ATP8A1: variants seen among roughly 807,000 people sequenced by gnomAD.
ATP8A1 encodes ATPase phospholipid transporting 8A1, also known as phospholipid-transporting ATPase IA.
Under a neutral mutation model 177.7 loss-of-function variants are expected in ATP8A1, and 90 were observed. The ratio of observed to expected loss-of-function variants is 0.51; its 90% CI spans 0.43 to 0.60. The LOEUF (loss-of-function observed/expected upper bound fraction) is 0.60, where lower values mean the gene tolerates loss of function less well. Among genes scored for constraint, ATP8A1 ranks in the 20% least tolerant of loss-of-function variants. The pLI, the probability that ATP8A1 is intolerant of heterozygous loss-of-function variation, is 0.00. For synonymous variants in ATP8A1, 493 were observed against 485.9 expected (o/e 1.01, Z -0.19); for missense variants, 1,072 against 1,392.8 (o/e 0.77, Z 3.67).
intron 5 of ATP8A1, among the ~76,000 whole-genome samples, chr4:42,604,297 G>A (rs1340473309): frequency 6.6e-6 from 1 of 152,110 alleles, no homozygotes; most frequent in Non-Finnish European, 1.5e-5. Context: ...CAGCATCACA[G>A]TTTTACTGTA....
intron 29 of ATP8A1, 86 bp from the exon 30 acceptor site, chr4:42,452,145 T>A: frequency 1.1e-6 from 1 of 923,210 alleles, no homozygotes; most frequent in Admixed American, 2.1e-5. Flanking sequence ...ATGAGCTAGA[T>A]TCACAAAATG....
At chr4:42,602,698 G>A (rs1471475432) in intron 5 of ATP8A1, among the ~76,000 whole-genome samples, 2 of 152,178 alleles carry the variant, frequency 1.3e-5, no homozygotes, top group East Asian at 3.9e-4. Context: ...GACCCCGCGA[G>A]GGGGAGGTTG....
chr4:42,579,278 A>G (rs1732777185), intron 11 of ATP8A1, among the ~76,000 whole-genome samples: 1 of 151,124 alleles, frequency 6.6e-6, no homozygotes. Flanking sequence ...ATGAAAATAC[A>G]TTGGGTTTAA....
intron 25 of ATP8A1, among the ~76,000 whole-genome samples, chr4:42,475,320 G>T (rs537891110): frequency 6.6e-6 from 1 of 152,008 alleles, no homozygotes; most frequent in Admixed American, 6.6e-5. Flanking sequence ...TGGCTAATTT[G>T]TAATTTTTTT....
Position 42,522,315 on chromosome 4 carries a change from T to C in ATP8A1, c.1808-16A>G. On this transcript the variant is annotated splice_polypyrimidine_tract_variant and intron_variant, in intron 21 of 36. Transcript: ENST00000381668. ...GTTCTTAACCCTGAAAAAGATAGCA[T>C]ACATCACCCCAACACACCAAAGATT... The C allele has an allele frequency of 6.2e-7, 1 of 1,611,972 alleles. No homozygotes were observed. The highest frequency in any genetic ancestry group is 8.5e-7 in the Non-Finnish European group (1 of 1,179,516).
In ATP8A1 at chr4:42,464,671, A is replaced by C; in HGVS notation, c.2619+19T>G. On this transcript the variant is annotated intron_variant, in intron 27 of 36. Transcript: ENST00000381668. ...TATGTATGCAAATGACAAGGATTTAAAATTTAACCTGCTATTACCTCGATA... is the reference window on the plus strand; with the variant it reads ...TATGTATGCAAATGACAAGGATTTACAATTTAACCTGCTATTACCTCGATA... 1.4e-6 allele frequency: 2 copies of C among 1,423,860 alleles called. No homozygotes were observed. Among genetic ancestry groups the C allele is most frequent in the Non-Finnish European group, 1.9e-6 (2 of 1,041,296 alleles). The allele number at this position is 1,423,860 out of a possible 1,614,324, so 88.2% of individuals were successfully genotyped here.
rs138091597 is a variant in ATP8A1, at chr4:42,428,366, T to C, written c.3124-4661A>G. ...CTGTCTTCCCTCCAAAGGCTGCTCTTCCTTGGTACAAGCTATTCAGGGAAT... is the reference window on the plus strand; with the variant it reads ...CTGTCTTCCCTCCAAAGGCTGCTCTCCCTTGGTACAAGCTATTCAGGGAAT... On this transcript the variant is annotated intron_variant, in intron 33 of 36. Transcript: ENST00000381668. Among the ~76,000 whole-genome samples, 362 of 152,348 alleles carry C rather than the reference T, an allele frequency of 2.4e-3. 1 individual carries two copies. Among genetic ancestry groups the C allele is most frequent in the African/African-American group, 8.1e-3 (335 of 41,586 alleles).
At chr4:42,512,668 T>G (rs1177682732) in intron 22 of ATP8A1, among the ~76,000 whole-genome samples, 1 of 152,216 alleles carries the variant, frequency 6.6e-6, no homozygotes, top group Non-Finnish European at 1.5e-5. Flanking sequence ...AAGTCCCAAG[T>G]AATTAATTAG....
chr4:42,599,362 T>C (rs986364766), intron 6 of ATP8A1, among the ~76,000 whole-genome samples: 1 of 152,202 alleles, frequency 6.6e-6, no homozygotes, highest in Non-Finnish European at 1.5e-5. Flanking sequence ...AAGAAACTTA[T>C]TTTGAAATTG....
intron 20 of ATP8A1, among the ~76,000 whole-genome samples, chr4:42,529,540 C>A (rs1727047762): frequency 6.6e-6 from 1 of 152,174 alleles, no homozygotes; most frequent in Non-Finnish European, 1.5e-5. Context: ...CCTGAAGGCA[C>A]AAGTAAGTTA....
intron 35 of ATP8A1, among the ~76,000 whole-genome samples, chr4:42,415,824 G>A (rs976856763): frequency 3.9e-5 from 6 of 152,088 alleles, no homozygotes; most frequent in African/African-American, 1.2e-4. Context: ...ACAAAAAAAG[G>A]ATCCTCTGCA....
intron 25 of ATP8A1, among the ~76,000 whole-genome samples, chr4:42,478,663 A>G (rs895141583): frequency 6.6e-6 from 1 of 152,178 alleles, no homozygotes; most frequent in African/African-American, 2.4e-5. Context: ...TTTTGCTAGC[A>G]TGTCCTCTAG....
chr4:42,587,904 G>C (rs565842138), intron 8 of ATP8A1, among the ~76,000 whole-genome samples: 1 of 151,962 alleles, frequency 6.6e-6, no homozygotes, highest in Non-Finnish European at 1.5e-5. Flanking sequence ...CACCGCGCCC[G>C]GCCCTTGTAC....
At chr4:42,481,822 A>G (rs548980913) in intron 25 of ATP8A1, among the ~76,000 whole-genome samples, 1 of 152,342 alleles carries the variant, frequency 6.6e-6, no homozygotes, top group Non-Finnish European at 1.5e-5. Flanking sequence ...CTCCAAAAGT[A>G]TCCGTGATCA....
chr4:42,510,589 A>G (rs991311508), intron 22 of ATP8A1, among the ~76,000 whole-genome samples: 2 of 152,246 alleles, frequency 1.3e-5, no homozygotes, highest in African/African-American at 2.4e-5. Context: ...TCCTGCAAAA[A>G]TATTTTTTTG....
chr4:42,457,571 C>T (rs1300311927), intron 27 of ATP8A1, among the ~76,000 whole-genome samples: 2 of 152,182 alleles, frequency 1.3e-5, no homozygotes, highest in Non-Finnish European at 2.9e-5. Flanking sequence ...GTCTAACGGA[C>T]AAGATTTGGC....
intron 25 of ATP8A1, among the ~76,000 whole-genome samples, chr4:42,471,303 T>A (rs1342051768): frequency 1.3e-5 from 2 of 152,188 alleles, no homozygotes; most frequent in African/African-American, 4.8e-5. Flanking sequence ...TGATATACTG[T>A]GCAGTCATAG....
chr4:42,408,413 T>C lies in ATP8A1; in HGVS notation c.*4503A>G, dbSNP rs1577872717. 6.6e-6 allele frequency: 1 copy of C among 152,128 alleles called. No homozygotes were observed. Among genetic ancestry groups the C allele is most frequent in the Admixed American group, 6.5e-5 (1 of 15,276 alleles). 9.4% of individuals were successfully genotyped at this position (152,128 alleles called of 1,614,324 possible). A position where few individuals can be genotyped will look rare whatever the true frequency, so the allele number is the denominator to read the frequency against. On this transcript the variant is annotated 3_prime_UTR_variant, in exon 37 of 37. Transcript: ENST00000381668. ...AAGTTTATTTCATTTTTAATAACAA[T>C]TAGAGGACAAAATGTTTAAAATTTG...
At chr4:42,584,009 G>A (rs1195535433) in intron 9 of ATP8A1, among the ~76,000 whole-genome samples, 1 of 152,188 alleles carries the variant, frequency 6.6e-6, no homozygotes, top group Non-Finnish European at 1.5e-5. Flanking sequence ...GAAAATTTTA[G>A]AACAACATAT....
Sources: gnomAD v4.1 joint callset for allele counts (sites outside exome capture counted in the v4.1 genomes callset) on GRCh38, gnomAD v4.1.1 for gene constraint, MANE v1.5 for transcripts, NCBI Gene and HGNC (gene_info 2026-07-23, HGNC 2026-07-21) for gene names.